The following RARB variants were observed in gnomAD, a reference collection of about 807,000 sequenced individuals.
The protein encoded by RARB is retinoic acid receptor beta.
In RARB, 17 loss-of-function variants were observed where a neutral mutation model predicts 51.9. That is an observed-to-expected ratio of 0.33 (90% CI 0.22 to 0.49). The LOEUF is 0.49. Among genes scored for constraint, RARB ranks in the 20% least tolerant of loss-of-function variants. RARB has a pLI of 0.99. For synonymous variants in RARB, 215 were observed against 195.4 expected (o/e 1.10, Z -0.84); for missense variants, 369 against 550.8 (o/e 0.67, Z 3.30).
At chr3:24,958,921 C>T (rs995192344) in intron 2 of RARB, among the ~76,000 whole-genome samples, 1 of 152,152 alleles carries the variant, frequency 6.6e-6, no homozygotes. Flanking sequence ...TTACTCAGCC[C>T]GCAGCTCTCA....
At chr3:25,500,466 T>G (rs1417470018) in intron 2 of RARB, among the ~76,000 whole-genome samples, 1 of 116,438 alleles carries the variant, frequency 8.6e-6, no homozygotes, top group African/African-American at 3.2e-5. Context: ...TTTTTTTTTT[T>G]TTTTTTTTTT....
chr3:25,200,336 A>T (rs559095375), intron 5 of RARB, among the ~76,000 whole-genome samples: 27 of 150,716 alleles, frequency 1.8e-4, no homozygotes, highest in Non-Finnish European at 3.0e-4. Context: ...TAGATTCTGG[A>T]TATTAGCCCT....
At chr3:25,128,233 A>G (rs1377738700) in intron 3 of RARB, among the ~76,000 whole-genome samples, 3 of 152,062 alleles carry the variant, frequency 2.0e-5, no homozygotes, top group Admixed American at 1.3e-4. Context: ...GGAATCTCCT[A>G]AGTCAAATCT....
At chr3:25,260,212 G>A (rs552428063) in intron 5 of RARB, among the ~76,000 whole-genome samples, 84 of 152,180 alleles carry the variant, frequency 5.5e-4, no homozygotes, top group Non-Finnish European at 9.8e-4. Context: ...TTGGAAGACA[G>A]TGAGTGCAAG....
intron 2 of RARB, among the ~76,000 whole-genome samples, chr3:25,036,453 A>G (rs1229992762): frequency 2.0e-5 from 3 of 152,216 alleles, no homozygotes; most frequent in African/African-American, 4.8e-5. Flanking sequence ...AAAAGAAACA[A>G]CTAGACTAAT....
intron 2 of RARB, among the ~76,000 whole-genome samples, chr3:24,885,317 A>G (rs1202844788): frequency 1.3e-5 from 2 of 152,130 alleles, no homozygotes; most frequent in Non-Finnish European, 2.9e-5. Context: ...GGTAATTTCC[A>G]GTTTGTCAAT....
intron 3 of RARB, among the ~76,000 whole-genome samples, chr3:25,523,986 C>T (rs1575485957): frequency 6.6e-6 from 1 of 152,274 alleles, no homozygotes; most frequent in East Asian, 1.9e-4. Context: ...GCATTACATC[C>T]TATGGGCAAT....
At chr3:25,087,891 T>G (rs1699130365) in intron 3 of RARB, among the ~76,000 whole-genome samples, 1 of 151,908 alleles carries the variant, frequency 6.6e-6, no homozygotes, top group Admixed American at 6.6e-5. Flanking sequence ...GTCAATATTT[T>G]TTCTGTTTCT....
At chr3:25,097,347 G>A (rs1265004199) in intron 3 of RARB, among the ~76,000 whole-genome samples, 1 of 152,086 alleles carries the variant, frequency 6.6e-6, no homozygotes, top group Non-Finnish European at 1.5e-5. Context: ...AAATTTGCAG[G>A]TACTAAAAAA....
Position 25,072,213 on chromosome 3 carries a change from A to G in RARB, c.-328+12037A>G, listed in dbSNP as rs143029629. Among the ~76,000 whole-genome samples the G allele has an allele frequency of 3.2e-3, 494 of 152,372 alleles. 3 individuals carry two copies. The highest frequency in any genetic ancestry group is 5.3e-3 in the Non-Finnish European group (361 of 68,034). On this transcript the variant is annotated intron_variant, in intron 3 of 11. Transcript: ENST00000383772. The stretch of plus-strand genomic sequence containing the variant: ...TGTGTTTAATTTAAAAATTAGGAAA[A>G]TAAGTTTAATAACAATTTGAATCTT...
intron 2 of RARB, among the ~76,000 whole-genome samples, chr3:24,938,263 A>G (rs1409666918): frequency 6.6e-6 from 1 of 152,168 alleles, no homozygotes; most frequent in Non-Finnish European, 1.5e-5. Context: ...TTCTATCTAC[A>G]ATCTATTCCC....
intron 5 of RARB, among the ~76,000 whole-genome samples, chr3:25,304,331 C>A (rs1704108309): frequency 6.6e-6 from 1 of 152,194 alleles, no homozygotes; most frequent in Admixed American, 6.5e-5. Context: ...CCAAGCTTTT[C>A]CTTCTGCTTA....
chr3:25,397,476 C>A (rs1265820064), intron 5 of RARB, among the ~76,000 whole-genome samples: 1 of 152,156 alleles, frequency 6.6e-6, no homozygotes, highest in African/African-American at 2.4e-5. Flanking sequence ...GCAGTAGTTC[C>A]TGAAGCAAAA....
At chr3:25,436,239 G>A (rs1043595060) in intron 1 of RARB, among the ~76,000 whole-genome samples, 3 of 152,008 alleles carry the variant, frequency 2.0e-5, no homozygotes, top group African/African-American at 4.8e-5. Context: ...CCATGCTATC[G>A]GCTTGCTTTA....
At chr3:25,280,464 A>G (rs1703496371) in intron 5 of RARB, among the ~76,000 whole-genome samples, 1 of 152,182 alleles carries the variant, frequency 6.6e-6, no homozygotes, top group Non-Finnish European at 1.5e-5. Context: ...TGAAGAGCTG[A>G]AACGCTGAGT....
intron 5 of RARB, among the ~76,000 whole-genome samples, chr3:25,210,715 A>G (rs571594586): frequency 6.6e-6 from 1 of 151,018 alleles, no homozygotes; most frequent in South Asian, 2.1e-4. Context: ...TTACATTTTT[A>G]TTGGAGAAGG....
chr3:25,341,434 A>G (rs1157288440), intron 5 of RARB, among the ~76,000 whole-genome samples: 1 of 152,162 alleles, frequency 6.6e-6, no homozygotes, highest in Non-Finnish European at 1.5e-5. Flanking sequence ...GCCAGAGAGA[A>G]TTTGCCACCT....
intron 2 of RARB, among the ~76,000 whole-genome samples, chr3:24,967,243 G>C (rs1696296391): frequency 6.6e-6 from 1 of 152,050 alleles, no homozygotes; most frequent in East Asian, 1.9e-4. Flanking sequence ...ACTCCCATTT[G>C]CTTTTCTTCC....
chr3:25,406,369 G>A lies in RARB; in HGVS notation c.179-54824G>A, dbSNP rs77649640. On this transcript the variant is annotated intron_variant, in intron 5 of 11. Coordinates refer to the RARB transcript ENST00000383772. ...CGTAACAAAATTCCACAGACTGGGCGGCTCAAACAATAGAAATGTATTGTA... is the reference window on the plus strand; with the variant it reads ...CGTAACAAAATTCCACAGACTGGGCAGCTCAAACAATAGAAATGTATTGTA... Among the ~76,000 whole-genome samples, 1,243 of 152,240 alleles carry A rather than the reference G, an allele frequency of 8.2e-3. 98 individuals carry two copies. The East Asian group carries it at 0.2, about 24-fold the overall frequency.
Sources: gnomAD v4.1 joint callset for allele counts (sites outside exome capture counted in the v4.1 genomes callset) on GRCh38, gnomAD v4.1.1 for gene constraint, MANE v1.5 for transcripts, NCBI Gene and HGNC (gene_info 2026-07-23, HGNC 2026-07-21) for gene names.